Variants in NKAIN2 observed in about 807,000 individuals in gnomAD.
The protein encoded by NKAIN2 is sodium/potassium-transporting ATPase subunit beta-1-interacting protein 2.
NKAIN2 carries 14 observed loss-of-function variants against 32.6 expected under a neutral mutation model. The ratio of observed to expected loss-of-function variants is 0.43; its 90% confidence interval spans 0.28 to 0.67. The LOEUF (loss-of-function observed/expected upper bound fraction) is 0.67, where lower values mean the gene tolerates loss of function less well. Among genes scored for constraint, NKAIN2 ranks in the 30% least tolerant of loss-of-function variants. The pLI, the probability that NKAIN2 is intolerant of heterozygous loss-of-function variation, is 0.17. For missense variants in NKAIN2, 198 were observed against 258.3 expected (o/e 0.77, Z 1.60); for synonymous variants, 80 against 87.2 (o/e 0.92, Z 0.46).
At chr6:123,950,004 A>T (rs527454192) in intron 1 of NKAIN2, among the ~76,000 whole-genome samples, 2 of 152,100 alleles carry the variant, frequency 1.3e-5, no homozygotes, top group South Asian at 4.1e-4. Flanking sequence ...TTTATCATGA[A>T]GGGATATTGA....
intron 1 of NKAIN2, among the ~76,000 whole-genome samples, chr6:123,892,051 G>A (rs1582726424): frequency 6.6e-6 from 1 of 152,100 alleles, no homozygotes; most frequent in African/African-American, 2.4e-5. Context: ...AGAGAACCTG[G>A]AAGAGAGAGA....
chr6:124,823,270 G>T lies in NKAIN2; in HGVS notation c.*41G>T, dbSNP rs757848477. On this transcript the variant is annotated 3_prime_UTR_variant, in exon 7 of 7. Coordinates refer to ENST00000368417, the MANE Select transcript of NKAIN2 (RefSeq NM_001040214.3). ...TATGTCAGCCCATGGACCTTTCAAA[G>T]AACTTTTTTCGCAGTGGCCTCCTGC... 7 of 1,520,984 alleles carry T rather than the reference G, an allele frequency of 4.6e-6. 1 individual carries two copies. Among genetic ancestry groups the T allele is most frequent in the South Asian group, 3.4e-5 (3 of 89,252 alleles). The allele number at this position is 1,520,984 out of a possible 1,614,324, so 94.2% of individuals were successfully genotyped here.
intron 4 of NKAIN2, among the ~76,000 whole-genome samples, chr6:124,787,353 G>A (rs189326462): frequency 5.3e-5 from 8 of 152,086 alleles, no homozygotes; most frequent in South Asian, 2.1e-4. Flanking sequence ...AAGAAGACCC[G>A]GGAAGTAAGC....
chr6:124,735,494 T>C (rs1194895559), intron 4 of NKAIN2, among the ~76,000 whole-genome samples: 2 of 151,922 alleles, frequency 1.3e-5, no homozygotes, highest in Non-Finnish European at 2.9e-5. Context: ...TAGTGGTAGA[T>C]TGGGAGAAAC....
intron 4 of NKAIN2, 120 bp from the exon 5 acceptor site, chr6:124,791,219 C>G: frequency 1.6e-6 from 1 of 612,118 alleles, no homozygotes; most frequent in Non-Finnish European, 3.1e-6. Flanking sequence ...GTCCGATGAG[C>G]CATGTTGGTT....
rs1286656573 is a variant in NKAIN2, at chr6:124,797,191, AAT to A, written c.535+5793_535+5794del. On this transcript the variant is annotated intron_variant, in intron 5 of 6. Coordinates refer to ENST00000368417, the MANE Select transcript of NKAIN2 (RefSeq NM_001040214.3). ...TAGCAAAAAAAAAAAAAAAAAAAAA[AAT>A]CATCATGACTTCTCAATTTTTATTA... is the stretch of plus-strand genomic sequence containing the variant. 1.3e-3 allele frequency among the ~76,000 whole-genome samples: 192 copies of A among 143,822 alleles called. 1 individual carries two copies. The highest frequency in any genetic ancestry group is 4.4e-3 in the African/African-American group (174 of 39,282). The allele number at this position is 143,822 out of a possible 152,430, so 94.4% of individuals were successfully genotyped here.
intron 4 of NKAIN2, among the ~76,000 whole-genome samples, chr6:124,776,829 A>G (rs973847883): frequency 7.2e-5 from 11 of 152,120 alleles, no homozygotes; most frequent in African/African-American, 2.4e-4. Context: ...AATTGTTCAT[A>G]TATTTTTGTG....
At chr6:124,716,373 G>C (rs1437967837) in intron 4 of NKAIN2, among the ~76,000 whole-genome samples, 3 of 152,128 alleles carry the variant, frequency 2.0e-5, no homozygotes, top group African/African-American at 4.8e-5. Flanking sequence ...CAAAGCAAGA[G>C]ACATCTGTAT....
intron 1 of NKAIN2, among the ~76,000 whole-genome samples, chr6:124,035,406 C>A (rs1452989026): frequency 6.6e-6 from 1 of 152,080 alleles, no homozygotes; most frequent in Non-Finnish European, 1.5e-5. Context: ...TTTAATTAAA[C>A]TTCTAAAATA....
chr6:124,232,493 G>A (rs543050216), intron 1 of NKAIN2, among the ~76,000 whole-genome samples: 7 of 152,152 alleles, frequency 4.6e-5, no homozygotes, highest in South Asian at 2.1e-4. Flanking sequence ...ATATAGATTC[G>A]ATTGAAAAAA....
chr6:124,349,131 C>A (rs1402658799), intron 2 of NKAIN2, among the ~76,000 whole-genome samples: 1 of 152,156 alleles, frequency 6.6e-6, no homozygotes, highest in East Asian at 1.9e-4. Flanking sequence ...ATAATTTAGA[C>A]ACGTGGACAT....
At chr6:124,131,407 A>G (rs891999270) in intron 1 of NKAIN2, among the ~76,000 whole-genome samples, 2 of 152,222 alleles carry the variant, frequency 1.3e-5, no homozygotes, top group Non-Finnish European at 2.9e-5. Context: ...CCACTTGGCC[A>G]GACAGAACAG....
intron 3 of NKAIN2, among the ~76,000 whole-genome samples, chr6:124,510,867 G>T (rs1778683484): frequency 1.3e-5 from 2 of 152,150 alleles, no homozygotes; most frequent in Non-Finnish European, 2.9e-5. Context: ...TATCAAGGGA[G>T]AATTCTAACT....
intron 1 of NKAIN2, among the ~76,000 whole-genome samples, chr6:124,275,248 G>A (rs1161200949): frequency 6.6e-6 from 1 of 152,062 alleles, no homozygotes; most frequent in Non-Finnish European, 1.5e-5. Flanking sequence ...TAGTGGAAAA[G>A]TCTTAAAATT....
rs907321316 is a variant in NKAIN2 at position 124,578,885 on chromosome 6, G to A, written c.274-79301G>A. Among the ~76,000 whole-genome samples the A allele has an allele frequency of 2.0e-5, 3 of 152,052 alleles. No individual in the cohort carries two copies. The East Asian group carries it at 5.8e-4, about 30-fold the overall frequency. The stretch of plus-strand genomic sequence containing the variant: ...AAAGAGACAGAAAGAGAGATAGCAG[G>A]GTGGAGAGAGAGAGACTCTTTGTTT... On this transcript the variant is annotated intron_variant, in intron 3 of 6. Coordinates refer to ENST00000368417, the MANE Select transcript of NKAIN2 (RefSeq NM_001040214.3).
chr6:123,930,571 C>T (rs1193043602), intron 1 of NKAIN2, among the ~76,000 whole-genome samples: 1 of 152,132 alleles, frequency 6.6e-6, no homozygotes, highest in Non-Finnish European at 1.5e-5. Flanking sequence ...ATTTTGAATT[C>T]TACAAACATT....
At chr6:123,906,741 A>G (rs1774893928) in intron 1 of NKAIN2, among the ~76,000 whole-genome samples, 1 of 152,160 alleles carries the variant, frequency 6.6e-6, no homozygotes, top group African/African-American at 2.4e-5. Flanking sequence ...CATATATGCC[A>G]TTTGGTGGGT....
intron 1 of NKAIN2, among the ~76,000 whole-genome samples, chr6:124,243,718 T>C (rs1465454536): frequency 6.6e-6 from 1 of 151,434 alleles, no homozygotes; most frequent in African/African-American, 2.5e-5. Flanking sequence ...GCACTTTCTC[T>C]GCTACCAAAC....
At chr6:124,373,304 T>G (rs1244780700) in intron 3 of NKAIN2, among the ~76,000 whole-genome samples, 1 of 152,084 alleles carries the variant, frequency 6.6e-6, no homozygotes, top group African/African-American at 2.4e-5. Context: ...GGTGTTTCCC[T>G]TTGTTGACAT....
Sources: allele counts gnomAD v4.1 joint callset (sites outside exome capture counted in the v4.1 genomes callset), GRCh38; gene constraint gnomAD v4.1.1; transcripts MANE v1.5; gene names NCBI Gene and HGNC (gene_info 2026-07-23, HGNC 2026-07-21).